The following NUP93 variants were observed in gnomAD, a reference collection of about 807,000 sequenced individuals.
NUP93 encodes the protein nucleoporin 93.
In NUP93, 55 loss-of-function variants were observed where a neutral mutation model predicts 107.8. That is an observed-to-expected ratio of 0.51 (90% CI 0.41 to 0.64). The LOEUF (loss-of-function observed/expected upper bound fraction) is 0.64. Ranked by LOEUF, NUP93 falls within the 30% of genes least tolerant of loss-of-function variation. The pLI, the probability that NUP93 is intolerant of heterozygous loss-of-function variation, is 0.00. For missense variants in NUP93, 937 were observed against 1,044.7 expected (o/e 0.90, Z 1.42); for synonymous variants, 390 against 397.5 (o/e 0.98, Z 0.22).
At chr16:56,836,242 C>T (rs1963907840) in intron 16 of NUP93, among the ~76,000 whole-genome samples, 1 of 151,522 alleles carries the variant, frequency 6.6e-6, no homozygotes, top group African/African-American at 2.4e-5. Context: ...GATATTTTTT[C>T]TAAGCCTCCT....
intron 1 of NUP93, among the ~76,000 whole-genome samples, chr16:56,740,132 C>T (rs1961697119): frequency 7.6e-6 from 1 of 131,416 alleles, no homozygotes; most frequent in Non-Finnish European, 1.7e-5. Flanking sequence ...GGCTGACCCC[C>T]CCACCTCCCT....
chr16:56,781,069 GA>G (rs1299217297), intron 3 of NUP93, among the ~76,000 whole-genome samples: 1 of 152,048 alleles, frequency 6.6e-6, no homozygotes, highest in Non-Finnish European at 1.5e-5. Flanking sequence ...AAACGTGGAG[GA>G]AAAAAATCCC....
At position 56,802,584 on chromosome 16, in the gene NUP93, G is replaced by A. The variant is rs938712755; in HGVS notation, c.361-2920G>A. On this transcript the variant is annotated intron_variant, in intron 4 of 21. Coordinates refer to ENST00000308159, the MANE Select transcript of NUP93 (RefSeq NM_014669.5). Reference sequence around the variant, plus strand: ...ACGCACCAACCTTCTTCCTAATCACGTGTCATATGTGTATGTATGTCTGAT... The same window carrying A: ...ACGCACCAACCTTCTTCCTAATCACATGTCATATGTGTATGTATGTCTGAT... Among the ~76,000 whole-genome samples, 7 of 33,576 alleles carry A rather than the reference G, an allele frequency of 2.1e-4. No homozygotes were observed. In the East Asian group the frequency reaches 0.079, roughly 379 times the overall value. The allele number at this position is 33,576 out of a possible 152,430, so 22.0% of individuals were successfully genotyped here.
At chr16:56,803,454 A>C (rs1222465273) in intron 4 of NUP93, among the ~76,000 whole-genome samples, 1 of 149,100 alleles carries the variant, frequency 6.7e-6, no homozygotes, top group Non-Finnish European at 1.5e-5. Flanking sequence ...AACAGAAAAA[A>C]ATAATAATAA....
rs190565265 is a variant in NUP93, at chr16:56,838,974, G to A, written c.2041G>A (p.Ala681Thr). 31 of 1,613,610 alleles carry A rather than the reference G, an allele frequency of 1.9e-5. No individual in the cohort carries two copies. Among genetic ancestry groups the A allele is most frequent in the Middle Eastern group, 1.6e-4 (1 of 6,082 alleles). The change falls in exon 19 of 22, where the codon GCA becomes ACA. Residue 681 changes from alanine (A) to threonine (T), a missense_variant. Transcript: ENST00000308159. Reference sequence around the variant, plus strand: ...CAGGTATAGGGCTCAAGGAATAAGCGCAAATAAATTTGTGGACTCCACGTT... The same window carrying A: ...CAGGTATAGGGCTCAAGGAATAAGCACAAATAAATTTGTGGACTCCACGTT... ...AERYRAQGIS[A>T]NKFVDSTFYL...
intron 21 of NUP93, among the ~76,000 whole-genome samples, chr16:56,843,289 G>A (rs1964062406): frequency 6.6e-6 from 1 of 152,188 alleles, no homozygotes; most frequent in Admixed American, 6.5e-5. Flanking sequence ...GTGAATGTGA[G>A]TATTGAGATG....
At chr16:56,767,861 G>C (rs1350364525) in intron 3 of NUP93, among the ~76,000 whole-genome samples, 4 of 152,186 alleles carry the variant, frequency 2.6e-5, no homozygotes, top group Non-Finnish European at 4.4e-5. Flanking sequence ...AGATGTCTTA[G>C]CATTGAATGA....
chr16:56,768,085 T>G lies in NUP93; in HGVS notation c.297+9430T>G, dbSNP rs772551759. ...TTACTCAGTTTGCTGTAAAAATCTC[T>G]AAATCCTTATTGTCAGTCTTTGCAC... On this transcript the variant is annotated intron_variant, in intron 3 of 21. Coordinates refer to ENST00000308159, the MANE Select transcript of NUP93 (RefSeq NM_014669.5). 6.4e-4 allele frequency among the ~76,000 whole-genome samples: 98 copies of G among 152,262 alleles called. 2 individuals carry two copies. The highest frequency in any genetic ancestry group is 8.8e-4 in the Non-Finnish European group (60 of 68,048).
chr16:56,789,529 G>A (rs1226226658), intron 3 of NUP93, among the ~76,000 whole-genome samples: 1 of 152,208 alleles, frequency 6.6e-6, no homozygotes, highest in Admixed American at 6.5e-5. Flanking sequence ...TGCCACCTGT[G>A]GCTCCAGAGC....
intron 5 of NUP93, among the ~76,000 whole-genome samples, chr16:56,808,538 A>G (rs184635800): frequency 0.12 from 14,394 of 119,770 alleles, 1,166 homozygotes; most frequent in East Asian, 0.22. Context: ...ATATAGTTAT[A>G]TAACTATAAA....
At chr16:56,760,767 C>T (rs1342884137) in intron 3 of NUP93, among the ~76,000 whole-genome samples, 1 of 152,124 alleles carries the variant, frequency 6.6e-6, no homozygotes, top group African/African-American at 2.4e-5. Context: ...TGTATTCAAA[C>T]TACGTTACTC....
intron 4 of NUP93, among the ~76,000 whole-genome samples, chr16:56,803,459 T>A (rs1326060196): frequency 2.6e-5 from 4 of 151,818 alleles, no homozygotes; most frequent in Admixed American, 2.6e-4. Flanking sequence ...AAAAAAATAA[T>A]AATAATAATA....
Position 56,822,013 on chromosome 16 carries a change from C to G in NUP93, c.654+420C>G, listed in dbSNP as rs184135330. ...GAGCATTCTTTATATACCACTGGTT[C>G]TGTTCCTCTGACACACACATATACT... On this transcript the variant is annotated intron_variant, in intron 7 of 21. Transcript: ENST00000308159. 1.5e-3 allele frequency among the ~76,000 whole-genome samples: 215 copies of G among 147,872 alleles called. 1 individual carries two copies. The highest frequency in any genetic ancestry group is 5.3e-3 in the African/African-American group (210 of 39,910).
intron 5 of NUP93, among the ~76,000 whole-genome samples, chr16:56,814,922 T>TAAATATTTGCCG (rs1448105564): frequency 1.3e-5 from 2 of 152,346 alleles, no homozygotes; most frequent in Non-Finnish European, 2.9e-5. Flanking sequence ...GAATTCCAGC[T>TAAATATTTGCCG]AAATATTTGC....
intron 3 of NUP93, among the ~76,000 whole-genome samples, chr16:56,788,391 A>G (rs1315768116): frequency 6.6e-6 from 1 of 152,230 alleles, no homozygotes; most frequent in African/African-American, 2.4e-5. Context: ...TCCAAAGGAA[A>G]GTTGCTTCTA....
chr16:56,756,300 C>CA (rs1226217386), intron 2 of NUP93, among the ~76,000 whole-genome samples: 1 of 72,096 alleles, frequency 1.4e-5, no homozygotes, highest in Admixed American at 1.2e-4. Flanking sequence ...TCCTTGCCCC[C>CA]CCCCCCCCCG....
chr16:56,787,746 C>T lies in NUP93; in HGVS notation c.298-10730C>T, dbSNP rs957285160. ...TGCATTCCCATTTTATACTGCAGTGCGGTTTTAGCATCCAGAGTCCTTTGG... is the reference window on the plus strand; with the variant it reads ...TGCATTCCCATTTTATACTGCAGTGTGGTTTTAGCATCCAGAGTCCTTTGG... On this transcript the variant is annotated intron_variant, in intron 3 of 21. Transcript: ENST00000308159. Among the ~76,000 whole-genome samples the T allele has an allele frequency of 4.6e-5, 7 of 152,194 alleles. No individual in the cohort carries two copies. The East Asian group carries it at 5.8e-4, about 13-fold the overall frequency.
chr16:56,836,988 C>T (rs1051849814), intron 17 of NUP93, among the ~76,000 whole-genome samples: 6 of 152,194 alleles, frequency 3.9e-5, no homozygotes, highest in Admixed American at 3.9e-4. Context: ...GAATTAGCAT[C>T]CATCACATTT....
chr16:56,820,622 GT>G (rs1963523949), intron 6 of NUP93, among the ~76,000 whole-genome samples: 2 of 152,302 alleles, frequency 1.3e-5, no homozygotes, highest in South Asian at 4.1e-4. Flanking sequence ...CAGCGAAACC[GT>G]TTAATCTTCA....
Sources: gnomAD v4.1 joint callset for allele counts (sites outside exome capture counted in the v4.1 genomes callset) on GRCh38, gnomAD v4.1.1 for gene constraint, MANE v1.5 for transcripts, NCBI Gene and HGNC (gene_info 2026-07-23, HGNC 2026-07-21) for gene names.